Variants in PIK3C2A observed in about 807,000 individuals in gnomAD.
The protein encoded by PIK3C2A is phosphatidylinositol-4-phosphate 3-kinase catalytic subunit type 2 alpha, also known as phosphatidylinositol 4-phosphate 3-kinase C2 domain-containing subunit alpha.
PIK3C2A carries 97 observed loss-of-function variants against 204.5 expected under a neutral mutation model. That is an observed-to-expected ratio of 0.47 (90% CI 0.40 to 0.56). The LOEUF is 0.56. Among genes scored for constraint, PIK3C2A ranks in the 20% least tolerant of loss-of-function variants. The pLI is 0.00. For missense variants in PIK3C2A, 1,735 were observed against 1,969.2 expected (o/e 0.88, Z 2.25); for synonymous variants, 653 against 664.4 (o/e 0.98, Z 0.26).
chr11:17,168,812 T>G lies in PIK3C2A; in HGVS notation c.930A>C (p.Glu310Asp). 6.2e-7 allele frequency: 1 copy of G among 1,614,128 alleles called. No individual in the cohort carries two copies. Among genetic ancestry groups the G allele is most frequent in the Non-Finnish European group, 8.5e-7 (1 of 1,179,998 alleles). ...AKDPWDAVLL[E>D]ERSTANCHLE... is the part of the protein sequence containing the mutation. ...GATGACAATTTGCTGTCGATCTCTCTTCAAGAAGAACAGCATCCCAAGGAT... is the reference window on the plus strand; with the variant it reads ...GATGACAATTTGCTGTCGATCTCTCGTCAAGAAGAACAGCATCCCAAGGAT... The change falls in exon 2 of 33, where the codon GAA (glutamate) becomes GAC (aspartate). Residue 310 changes from glutamate (E) to aspartate (D), a missense_variant. Coordinates refer to ENST00000691414, the MANE Select transcript of PIK3C2A (RefSeq NM_002645.4).
chr11:17,182,423 T>A lies in PIK3C2A; in HGVS notation c.-65-12617A>T, dbSNP rs1851596824. On this transcript the variant is annotated intron_variant, in intron 1 of 32. Transcript: ENST00000691414. ...CTCTACACAAATTTTAAAAATTAGC[T>A]AGGCATGGTGGCGCATGCCTGTAGT... Among the ~76,000 whole-genome samples, 4 of 151,872 alleles carry A rather than the reference T, an allele frequency of 2.6e-5. No homozygotes were observed. The South Asian group carries it at 8.3e-4, about 32-fold the overall frequency.
At chr11:17,138,082 C>T in intron 8 of PIK3C2A, 2 of 693,618 alleles carry the variant, frequency 2.9e-6, no homozygotes, top group South Asian at 2.8e-5. Flanking sequence ...ACATTTAGCA[C>T]ACATGGAATC....
chr11:17,197,344 A>G (rs1181491304), intron 1 of PIK3C2A, among the ~76,000 whole-genome samples: 1 of 152,032 alleles, frequency 6.6e-6, no homozygotes, highest in Non-Finnish European at 1.5e-5. Flanking sequence ...TAGCCTCCAT[A>G]TTACTCTATT....
chr11:17,114,069 C>T (rs940995139), intron 20 of PIK3C2A, among the ~76,000 whole-genome samples: 15 of 80,934 alleles, frequency 1.9e-4, no homozygotes, highest in African/African-American at 5.7e-4. Flanking sequence ...AAGAGTGAGA[C>T]TTTGTCTCAA....
rs924376528 is a variant in PIK3C2A, at chr11:17,107,084, C to T, written c.3545-1779G>A. 9.9e-5 allele frequency among the ~76,000 whole-genome samples: 15 copies of T among 152,180 alleles called. 1 individual carries two copies. The South Asian group carries it at 1.9e-3, about 19-fold the overall frequency. ...ATCCCAGCACTTTGGGAGGCCGAGG[C>T]GGGCAGATCACAAGGTCAGGAGATC... On this transcript the variant is annotated intron_variant, in intron 22 of 32. Transcript: ENST00000691414.
At chr11:17,115,929 C>T (rs1250841277) in intron 19 of PIK3C2A, among the ~76,000 whole-genome samples, 1 of 152,058 alleles carries the variant, frequency 6.6e-6, no homozygotes, top group Non-Finnish European at 1.5e-5. Context: ...AGAGCTAAAA[C>T]TAGAAAAGCT....
At chr11:17,197,595 G>A (rs1378886089) in intron 1 of PIK3C2A, among the ~76,000 whole-genome samples, 1 of 152,054 alleles carries the variant, frequency 6.6e-6, no homozygotes, top group African/African-American at 2.4e-5. Context: ...TGTGGGAGGG[G>A]GACAAGGAAA....
At chr11:17,113,020 TA>T (rs1849050470) in intron 20 of PIK3C2A, among the ~76,000 whole-genome samples, 1 of 151,936 alleles carries the variant, frequency 6.6e-6, no homozygotes, top group Non-Finnish European at 1.5e-5. Flanking sequence ...TTTATTTATT[TA>T]TTTTTTTGAG....
chr11:17,184,201 T>C (rs1199763395), intron 1 of PIK3C2A, among the ~76,000 whole-genome samples: 1 of 149,030 alleles, frequency 6.7e-6, no homozygotes, highest in Non-Finnish European at 1.5e-5. Flanking sequence ...ATTGTTACTT[T>C]ATAGTACACT....
chr11:17,179,561 A>T (rs1056286658), intron 1 of PIK3C2A, among the ~76,000 whole-genome samples: 19 of 152,318 alleles, frequency 1.2e-4, no homozygotes, highest in Middle Eastern at 3.4e-3. Flanking sequence ...AGAAAACTTA[A>T]CATTTTAGAG....
chr11:17,203,838 C>T (rs1852467332), intron 1 of PIK3C2A, among the ~76,000 whole-genome samples: 2 of 151,992 alleles, frequency 1.3e-5, no homozygotes, highest in African/African-American at 2.4e-5. Flanking sequence ...TTTGGGAGGC[C>T]GAGGCGGGCA....
chr11:17,097,337 C>A, intron 26 of PIK3C2A, 73 bp from the exon 27 acceptor site: 2 of 898,906 alleles, frequency 2.2e-6, no homozygotes, highest in Non-Finnish European at 1.8e-6. Context: ...TAATAAATGA[C>A]AAAAACCACT....
rs1179511010 is a variant in PIK3C2A, at chr11:17,102,672, T to C, written c.3841A>G (p.Ser1281Gly). The part of the protein sequence containing the change: ...KFLGHAQMFG[S>G]FKRDRAPFVL... Reference sequence around the variant, plus strand: ...GCAATAACATTATACCTTTTGAAGCTGCCAAACATCTGTGCATGTCCCAAA... The same window carrying C: ...GCAATAACATTATACCTTTTGAAGCCGCCAAACATCTGTGCATGTCCCAAA... The change falls in exon 24 of 33, where the codon AGC becomes GGC. Residue 1281 changes from serine to glycine, a missense_variant. Around this residue, in one of 6 missense-constraint regions of PIK3C2A, gnomAD observed 503 missense variants for 669.0 expected, o/e 0.75. Transcript: ENST00000691414. 3 of 1,608,230 alleles carry C rather than the reference T, an allele frequency of 1.9e-6. No homozygotes were observed. The highest frequency in any genetic ancestry group is 4.5e-5 in the East Asian group (2 of 44,794).
intron 1 of PIK3C2A, among the ~76,000 whole-genome samples, chr11:17,179,642 G>T (rs1408474636): frequency 2.0e-5 from 3 of 152,134 alleles, no homozygotes; most frequent in Non-Finnish European, 4.4e-5. Flanking sequence ...TAGAGACAAG[G>T]TCTCACTCTA....
At chr11:17,196,948 T>A (rs1241526573) in intron 1 of PIK3C2A, among the ~76,000 whole-genome samples, 2 of 151,518 alleles carry the variant, frequency 1.3e-5, no homozygotes, top group African/African-American at 4.9e-5. Flanking sequence ...TAAAAAAGAG[T>A]GAGCCATGGG....
chr11:17,093,101 A>T (rs1848355323), intron 28 of PIK3C2A, among the ~76,000 whole-genome samples: 1 of 152,180 alleles, frequency 6.6e-6, no homozygotes, highest in Non-Finnish European at 1.5e-5. Flanking sequence ...AACAAACTCT[A>T]ATACCCACTT....
chr11:17,122,477 T>C, intron 14 of PIK3C2A, 144 bp from the exon 15 acceptor site: 1 of 640,946 alleles, frequency 1.6e-6, no homozygotes, highest in Non-Finnish European at 2.7e-6. Flanking sequence ...TTGCAATTGA[T>C]TACCATTGTT....
At position 17,134,964 on chromosome 11, in the gene PIK3C2A, G is replaced by A. The variant is rs1262417394; in HGVS notation, c.1963C>T (p.Leu655Phe). Residue 655 changes from leucine (L) to phenylalanine (F), a missense_variant, in exon 11 of 33, where the codon CTT becomes TTT. Around this residue, in one of 6 missense-constraint regions of PIK3C2A, gnomAD observed 567 missense variants for 576.0 expected, o/e 0.98. Coordinates refer to ENST00000691414, the MANE Select transcript of PIK3C2A (RefSeq NM_002645.4). Reference protein sequence around the residue: ...INQLTAAIYDLLRLHANSGRS... With the variant: ...INQLTAAIYDFLRLHANSGRS... ...CCAGAATTTGCATGGAGTCTGAGAA[G>A]ATCATAAATTGCTGCAGTTAATTGG... 3 of 1,613,946 alleles carry A rather than the reference G, an allele frequency of 1.9e-6. No homozygotes were observed. The highest frequency in any genetic ancestry group is 2.5e-6 in the Non-Finnish European group (3 of 1,179,954).
intron 3 of PIK3C2A, among the ~76,000 whole-genome samples, chr11:17,151,011 T>C (rs1373367754): frequency 6.6e-6 from 1 of 152,178 alleles, no homozygotes; most frequent in Admixed American, 6.5e-5. Context: ...TAAATTATTC[T>C]ATAGGCAATG....
Sources: gnomAD v4.1 joint callset for allele counts (sites outside exome capture counted in the v4.1 genomes callset) on GRCh38, gnomAD v4.1.1 for gene constraint, gnomAD v4.1.1 regional missense constraint, MANE v1.5 for transcripts, NCBI Gene and HGNC (gene_info 2026-07-23, HGNC 2026-07-21) for gene names.